Variants in ATRN observed in about 807,000 individuals in gnomAD.
ATRN encodes attractin, also known as attractin-2.
Under a neutral mutation model 178.7 loss-of-function variants are expected in ATRN, and 54 were observed. The observed-to-expected ratio is 0.30, with a 90% CI of 0.24 to 0.38. The LOEUF is 0.38. Ranked by LOEUF, ATRN falls within the 10% of genes least tolerant of loss-of-function variation. The pLI is 1.00. For synonymous variants in ATRN, 636 were observed against 663.0 expected (o/e 0.96, Z 0.63); for missense variants, 1,443 against 1,815.1 (o/e 0.79, Z 3.73).
chr20:3,562,959 G>C (rs1284752389), intron 9 of ATRN, among the ~76,000 whole-genome samples: 1 of 152,164 alleles, frequency 6.6e-6, no homozygotes, highest in Non-Finnish European at 1.5e-5. Context: ...TTTCTGCCCA[G>C]AAACTGGAAT....
chr20:3,491,004 A>C, intron 1 of ATRN: 1 of 1,481,350 alleles, frequency 6.8e-7, no homozygotes, highest in African/African-American at 1.4e-5. Flanking sequence ...TATTGTCTCC[A>C]TCTTCCTTTA....
chr20:3,555,795 C>A (rs992955850), intron 6 of ATRN, among the ~76,000 whole-genome samples: 73 of 152,160 alleles, frequency 4.8e-4, no homozygotes, highest in African/African-American at 1.8e-3. Flanking sequence ...CTATGTGTAA[C>A]CTCAAACAAG....
rs946320806 is a variant in ATRN, at chr20:3,471,047, C to G, written c.-61C>G. On this transcript the variant is annotated 5_prime_UTR_variant, in exon 1 of 29. Transcript: ENST00000262919. ...CCCCGCCCCGCACGGCCAGGCGAAG[C>G]GGAGCCGGCCGTGCGGTGTGTGTGT... 6 of 1,437,448 alleles carry G rather than the reference C, an allele frequency of 4.2e-6. No individual in the cohort carries two copies. The African/African-American group carries it at 5.9e-5, about 14-fold the overall frequency. The allele number at this position is 1,437,448 out of a possible 1,614,324, so 89.0% of individuals were successfully genotyped here.
chr20:3,633,882 TCTTC>T (rs1016098738), intron 25 of ATRN, among the ~76,000 whole-genome samples: 116 of 152,390 alleles, frequency 7.6e-4, no homozygotes, highest in African/African-American at 2.7e-3. Context: ...TCTGTTTGCC[TCTTC>T]CTTATGAAAA....
intron 1 of ATRN, among the ~76,000 whole-genome samples, chr20:3,523,819 G>A (rs2085327794): frequency 6.6e-6 from 1 of 152,120 alleles, no homozygotes; most frequent in Non-Finnish European, 1.5e-5. Flanking sequence ...GCCAAACTAA[G>A]CTTCATAAGT....
At chr20:3,524,572 A>G (rs902188602) in intron 1 of ATRN, among the ~76,000 whole-genome samples, 4 of 152,180 alleles carry the variant, frequency 2.6e-5, no homozygotes, top group Non-Finnish European at 5.9e-5. Flanking sequence ...GACCTAATAG[A>G]CATCTACCGA....
intron 24 of ATRN, among the ~76,000 whole-genome samples, chr20:3,612,576 C>A (rs754015076): frequency 2.6e-5 from 4 of 152,086 alleles, no homozygotes; most frequent in Non-Finnish European, 5.9e-5. Context: ...TTTCTCCGAT[C>A]CGAAAGAGGT....
At chr20:3,570,101 C>G (rs2146238052) in intron 11 of ATRN, among the ~76,000 whole-genome samples, 1 of 151,212 alleles carries the variant, frequency 6.6e-6, no homozygotes, top group Non-Finnish European at 1.5e-5. Flanking sequence ...TCTTTAATAT[C>G]TCTCAGTGTC....
intron 1 of ATRN, among the ~76,000 whole-genome samples, chr20:3,507,820 G>A (rs987220337): frequency 4.0e-5 from 6 of 151,340 alleles, no homozygotes; most frequent in South Asian, 2.1e-4. Flanking sequence ...GAATAGCTGG[G>A]ACTACAGGCG....
intron 1 of ATRN, among the ~76,000 whole-genome samples, chr20:3,529,683 G>A (rs961838210): frequency 6.6e-6 from 1 of 152,142 alleles, no homozygotes; most frequent in Admixed American, 6.6e-5. Context: ...AGAGCTTTTG[G>A]GGGTGAGGAA....
At position 3,589,518 on chromosome 20, in the gene ATRN, TTC is replaced by T. The variant is rs1665466775; in HGVS notation, c.3185-1646_3185-1645del. Among the ~76,000 whole-genome samples, 3 of 152,340 alleles carry T rather than the reference TTC, an allele frequency of 2.0e-5. No homozygotes were observed. In the South Asian group the frequency reaches 6.2e-4, roughly 32 times the overall value. The stretch of plus-strand genomic sequence containing the variant: ...AATGTACTAAAATTCGTATTTTTCA[TTC>T]TCTCATATTTCTTGCATTAACCCTT... On this transcript the variant is annotated intron_variant, in intron 18 of 28. Transcript: ENST00000262919.
Position 3,638,986 on chromosome 20 carries a change from C to G in ATRN, c.4050+51C>G, listed in dbSNP as rs763643879. Reference sequence around the variant, plus strand: ...ATAACTTGACTTTTTAAAACTTAGGCTCCTAAGTCTGGGAAACCAGAGAGA... The same window carrying G: ...ATAACTTGACTTTTTAAAACTTAGGGTCCTAAGTCTGGGAAACCAGAGAGA... On this transcript the variant is annotated intron_variant, in intron 27 of 28. Coordinates refer to ENST00000262919, the MANE Select transcript of ATRN (RefSeq NM_139321.3). This position sits in a 1 kb window ranked among gnomAD's most constrained non-coding sequence, Gnocchi z 4.5. 9 of 1,452,148 alleles carry G rather than the reference C, an allele frequency of 6.2e-6. No homozygotes were observed. In the East Asian group the frequency reaches 1.8e-4, roughly 30 times the overall value. The allele number at this position is 1,452,148 out of a possible 1,614,324, so 90.0% of individuals were successfully genotyped here.
chr20:3,543,099 C>G (rs1236616591), intron 3 of ATRN, among the ~76,000 whole-genome samples: 1 of 152,182 alleles, frequency 6.6e-6, no homozygotes, highest in Non-Finnish European at 1.5e-5. Flanking sequence ...TTCTAAGAGG[C>G]CTTCCTTTCA....
intron 1 of ATRN, among the ~76,000 whole-genome samples, chr20:3,512,886 G>T (rs982240950): frequency 1.3e-5 from 2 of 152,142 alleles, no homozygotes; most frequent in South Asian, 2.1e-4. Context: ...TCACGTGTCT[G>T]TTGGCTGCAT....
At chr20:3,626,645 A>G (rs74180398) in intron 25 of ATRN, among the ~76,000 whole-genome samples, 19,147 of 152,112 alleles carry the variant, frequency 0.13, 1,507 homozygotes, top group Non-Finnish European at 0.18. Flanking sequence ...AAGAGTTAAT[A>G]TTACCAATAC....
chr20:3,607,801 C>T (rs1181533866), intron 24 of ATRN, among the ~76,000 whole-genome samples: 1 of 152,148 alleles, frequency 6.6e-6, no homozygotes, highest in Admixed American at 6.5e-5. Flanking sequence ...TACTGTCTTC[C>T]ATAGTGGCTG....
At chr20:3,597,470 C>A (rs1259762567) in intron 21 of ATRN, among the ~76,000 whole-genome samples, 1 of 152,002 alleles carries the variant, frequency 6.6e-6, no homozygotes, top group African/African-American at 2.4e-5. Context: ...CAGATACAGC[C>A]CTAAAGTGAT....
intron 1 of ATRN, among the ~76,000 whole-genome samples, chr20:3,489,210 C>T (rs192077460): frequency 1.8e-3 from 274 of 152,290 alleles, no homozygotes; most frequent in Non-Finnish European, 2.8e-3. Context: ...ATCTGCTTGC[C>T]TCGGCCTCCC....
intron 3 of ATRN, 84 bp downstream of exon 3, chr20:3,540,419 A>G: frequency 1.2e-6 from 1 of 835,272 alleles, no homozygotes; most frequent in Non-Finnish European, 1.9e-6. Context: ...TACTGGGTTC[A>G]CCTTTATTAT....
Sources: allele counts gnomAD v4.1 joint callset (sites outside exome capture counted in the v4.1 genomes callset), GRCh38; gene constraint gnomAD v4.1.1; non-coding constraint Gnocchi (gnomAD v3.1); transcripts MANE v1.5; gene names NCBI Gene and HGNC (gene_info 2026-07-23, HGNC 2026-07-21).